KDM4C: variants seen among roughly 807,000 people sequenced by gnomAD.
The protein encoded by KDM4C is lysine-specific demethylase 4C.
In KDM4C, 81 loss-of-function variants were observed where a neutral mutation model predicts 129.3. That is an observed-to-expected ratio of 0.63 (90% CI 0.52 to 0.75). The LOEUF (loss-of-function observed/expected upper bound fraction) is 0.75. Ranked by LOEUF, KDM4C falls within the 30% of genes least tolerant of loss-of-function variation. The pLI, the probability that KDM4C is intolerant of heterozygous loss-of-function variation, is 0.00. For synonymous variants in KDM4C, 573 were observed against 456.1 expected (o/e 1.26, Z -3.26); for missense variants, 1,457 against 1,304.0 (o/e 1.12, Z -1.81).
chr9:7,146,946 C>A (rs1189205610), intron 19 of KDM4C, among the ~76,000 whole-genome samples: 1 of 152,170 alleles, frequency 6.6e-6, no homozygotes, highest in African/African-American at 2.4e-5. Context: ...CCAAAGGTGG[C>A]CTCCCAAGGG....
chr9:6,870,520 T>A (rs1213154407), intron 5 of KDM4C, among the ~76,000 whole-genome samples: 1 of 152,090 alleles, frequency 6.6e-6, no homozygotes, highest in Non-Finnish European at 1.5e-5. Context: ...TTATAACATC[T>A]TAGCATAAGC....
intron 1 of KDM4C, among the ~76,000 whole-genome samples, chr9:6,738,806 C>A (rs1421303022): frequency 6.6e-6 from 1 of 151,540 alleles, no homozygotes; most frequent in Non-Finnish European, 1.5e-5. Flanking sequence ...ACCGTGATGG[C>A]CAGGCTGGTC....
intron 15 of KDM4C, among the ~76,000 whole-genome samples, chr9:7,019,969 T>C (rs188211950): frequency 1.3e-5 from 2 of 151,308 alleles, no homozygotes; most frequent in African/African-American, 4.9e-5. Context: ...TTCTAAAGAG[T>C]AGATGTCGCT....
chr9:7,071,931 G>T (rs976848810), intron 17 of KDM4C, among the ~76,000 whole-genome samples: 1 of 152,096 alleles, frequency 6.6e-6, no homozygotes, highest in Admixed American at 6.5e-5. Context: ...TAAGGAACTT[G>T]TCTCCAGGAT....
In KDM4C at chr9:7,034,822, G is replaced by A. The variant is rs138698933; in HGVS notation, c.2260-12040G>A. On this transcript the variant is annotated intron_variant, in intron 15 of 21. Coordinates refer to ENST00000381309, the MANE Select transcript of KDM4C (RefSeq NM_015061.6). ...GTGATAAGAGTTCCTTTTTCTCCAC[G>A]TCCTTACCAGTATTTGTTACTTTTT... Among the ~76,000 whole-genome samples the A allele has an allele frequency of 4.9e-3, 743 of 152,156 alleles. 2 individuals carry two copies. Among genetic ancestry groups the A allele is most frequent in the Middle Eastern group, 0.027 (8 of 294 alleles).
chr9:6,794,076 G>A (rs890403466), intron 2 of KDM4C, among the ~76,000 whole-genome samples: 1 of 152,106 alleles, frequency 6.6e-6, no homozygotes, highest in Non-Finnish European at 1.5e-5. Context: ...ACCACAAACT[G>A]ACTTATTCTC....
intron 19 of KDM4C, among the ~76,000 whole-genome samples, chr9:7,161,269 T>A (rs1564194583): frequency 6.6e-6 from 1 of 152,212 alleles, no homozygotes; most frequent in Non-Finnish European, 1.5e-5. Context: ...GGAAATCCCC[T>A]GACTCCTTGT....
intron 3 of KDM4C, among the ~76,000 whole-genome samples, chr9:6,811,494 T>C (rs1483433955): frequency 6.6e-6 from 1 of 152,180 alleles, no homozygotes; most frequent in Non-Finnish European, 1.5e-5. Flanking sequence ...GTACTCAGTC[T>C]TAGCAGTAGA....
rs190249904 is a variant in KDM4C at position 6,848,418 on chromosome 9, G to A, written c.436-1089G>A. On this transcript the variant is annotated intron_variant, in intron 4 of 21. Transcript: ENST00000381309. ...GTGGTGGCTCACGCTTGTAATCTCA[G>A]CACTTTGGGAGGCCGAGGTGGGCAG... Among the ~76,000 whole-genome samples, 217 of 152,256 alleles carry A rather than the reference G, an allele frequency of 1.4e-3. 3 individuals are homozygous for A. The highest frequency in any genetic ancestry group is 5.1e-3 in the African/African-American group (210 of 41,554).
At chr9:7,051,069 A>T (rs1003962646) in intron 17 of KDM4C, among the ~76,000 whole-genome samples, 6 of 152,314 alleles carry the variant, frequency 3.9e-5, no homozygotes, top group African/African-American at 1.4e-4. Context: ...ATGGTTACAG[A>T]TGTAAACTGA....
chr9:6,905,433 A>G (rs933462620), intron 8 of KDM4C, among the ~76,000 whole-genome samples: 10 of 152,210 alleles, frequency 6.6e-5, no homozygotes, highest in Non-Finnish European at 1.0e-4. Context: ...TTGGGGGAAC[A>G]TACTTAGGTA....
chr9:7,071,650 C>G (rs979727218), intron 17 of KDM4C, among the ~76,000 whole-genome samples: 3 of 151,984 alleles, frequency 2.0e-5, no homozygotes, highest in Non-Finnish European at 4.4e-5. Context: ...AACATCAAAC[C>G]AGAAACTATA....
intron 1 of KDM4C, among the ~76,000 whole-genome samples, chr9:6,739,123 A>G (rs1817611630): frequency 6.6e-6 from 1 of 152,048 alleles, no homozygotes; most frequent in African/African-American, 2.4e-5. Flanking sequence ...CCTAAATTGG[A>G]GTGCAGTGGT....
At chr9:6,799,654 T>G (rs1221976831) in intron 2 of KDM4C, among the ~76,000 whole-genome samples, 1 of 148,690 alleles carries the variant, frequency 6.7e-6, no homozygotes, top group African/African-American at 2.5e-5. Context: ...TTTTTTTTTT[T>G]TTTTTTACAA....
At chr9:7,124,247 T>G (rs1385841451) in intron 18 of KDM4C, among the ~76,000 whole-genome samples, 2 of 152,228 alleles carry the variant, frequency 1.3e-5, no homozygotes, top group South Asian at 2.1e-4. Flanking sequence ...CAACTTCCAA[T>G]TTTAACAAAA....
chr9:7,046,161 T>C (rs756936084), intron 15 of KDM4C, among the ~76,000 whole-genome samples: 3 of 151,966 alleles, frequency 2.0e-5, no homozygotes, highest in Non-Finnish European at 4.4e-5. Context: ...ATAAAATCTA[T>C]ATTTGTAGCA....
intron 1 of KDM4C, chr9:6,723,591 C>G (rs974548109): frequency 6.8e-6 from 1 of 148,148 alleles, no homozygotes; most frequent in Non-Finnish European, 1.5e-5. Flanking sequence ...GCCTTGCACT[C>G]CCTGAAGAGA....
intron 4 of KDM4C, among the ~76,000 whole-genome samples, chr9:6,839,146 T>G (rs1052305171): frequency 6.6e-6 from 1 of 152,196 alleles, no homozygotes; most frequent in African/African-American, 2.4e-5. Context: ...GGTCTTTTCT[T>G]TAAAGACAAA....
At chr9:6,768,284 T>A (rs749848316) in intron 1 of KDM4C, among the ~76,000 whole-genome samples, 2 of 151,968 alleles carry the variant, frequency 1.3e-5, no homozygotes, top group Non-Finnish European at 2.9e-5. Flanking sequence ...AATGATCACA[T>A]AGTTTTTGGT....
Sources: gnomAD v4.1 joint callset for allele counts (sites outside exome capture counted in the v4.1 genomes callset) on GRCh38, gnomAD v4.1.1 for gene constraint, MANE v1.5 for transcripts, NCBI Gene and HGNC (gene_info 2026-07-23, HGNC 2026-07-21) for gene names.